Variants in LAMA2 observed in about 807,000 individuals in gnomAD.
The protein encoded by LAMA2 is laminin subunit alpha-2.
LAMA2 carries 269 observed loss-of-function variants against 364.8 expected under a neutral mutation model. The ratio of observed to expected loss-of-function variants is 0.74; its 90% CI spans 0.67 to 0.82. The LOEUF is 0.82. Ranked by LOEUF, LAMA2 falls within the 40% of genes least tolerant of loss-of-function variation. The pLI, the probability that LAMA2 is intolerant of heterozygous loss-of-function variation, is 0.00. For missense variants in LAMA2, 3,807 were observed against 3,873.2 expected, an observed-to-expected ratio of 0.98 and a Z score of 0.45; for synonymous variants, 1,379 against 1,370.6, an observed-to-expected ratio of 1.01 and a Z score of -0.14.
chr6:129,484,222 A>AGTTT (rs1784487974), intron 55 of LAMA2, among the ~76,000 whole-genome samples: 1 of 152,228 alleles, frequency 6.6e-6, no homozygotes, highest in African/African-American at 2.4e-5. Context: ...AGCTCACTGC[A>AGTTT]GTTTATAATG....
At chr6:129,164,784 A>T (rs1244242371) in intron 8 of LAMA2, among the ~76,000 whole-genome samples, 2 of 152,190 alleles carry the variant, frequency 1.3e-5, no homozygotes, top group Non-Finnish European at 2.9e-5. Flanking sequence ...GGGATCAGTT[A>T]AGGCTGGGAA....
Position 129,453,025 on chromosome 6 carries a change from G to A in LAMA2, c.6467G>A (p.Arg2156Gln), listed in dbSNP as rs749496614. ...GTGTCTTCAGGAGGTGACTGCATTC[G>A]AACATACAAACCAGAAATCAAGAAA... is the stretch of plus-strand genomic sequence containing the variant. Reference protein sequence around the residue: ...VSVSSGGDCIRTYKPEIKKGS... With the variant: ...VSVSSGGDCIQTYKPEIKKGS... The change falls in exon 46 of 65, where the codon CGA becomes CAA. Residue 2156 changes from arginine (R) to glutamine (Q), a missense_variant. This residue lies in a region of LAMA2 where 3,333 missense variants were observed against 3,345.7 expected (regional missense o/e 1.00). Coordinates refer to ENST00000421865, the MANE Select transcript of LAMA2 (RefSeq NM_000426.4). 2 of 1,612,470 alleles carry A rather than the reference G, an allele frequency of 1.2e-6. No homozygotes were observed. The highest frequency in any genetic ancestry group is 2.2e-5 in the East Asian group (1 of 44,746).
chr6:129,168,449 A>G (rs1311064687), intron 9 of LAMA2, among the ~76,000 whole-genome samples: 2 of 152,114 alleles, frequency 1.3e-5, no homozygotes, highest in South Asian at 2.1e-4. Flanking sequence ...TGTTTTTCTC[A>G]GGTTTGTCAA....
chr6:129,112,436 C>A (rs1307491960), intron 4 of LAMA2, among the ~76,000 whole-genome samples: 1 of 151,776 alleles, frequency 6.6e-6, no homozygotes, highest in Non-Finnish European at 1.5e-5. Context: ...TAAGCAAATG[C>A]GTTACAAAAA....
rs540078566 is a variant in LAMA2 at position 129,265,583 on chromosome 6, G to A, written c.2209-1523G>A. ...GGCAAAAAATGTAATGGGGAGAAAT[G>A]GGAAGGGATTTAATTGGGAGAAATG... On this transcript the variant is annotated intron_variant, in intron 15 of 64. Coordinates refer to ENST00000421865, the MANE Select transcript of LAMA2 (RefSeq NM_000426.4). Among the ~76,000 whole-genome samples, 383 of 152,096 alleles carry A rather than the reference G, an allele frequency of 2.5e-3. 1 individual carries two copies. Among genetic ancestry groups the A allele is most frequent in the Admixed American group, 3.9e-3 (60 of 15,246 alleles).
At chr6:129,066,044 T>C (rs145929096) in intron 3 of LAMA2, among the ~76,000 whole-genome samples, 369 of 20,632 alleles carry the variant, frequency 0.018, 45 homozygotes, top group East Asian at 0.076. Context: ...TCAGGTTTTT[T>C]TTTTTTTTTT....
chr6:129,455,109 G>A (rs1165177291), intron 47 of LAMA2, among the ~76,000 whole-genome samples: 2 of 152,096 alleles, frequency 1.3e-5, no homozygotes, highest in Non-Finnish European at 2.9e-5. Flanking sequence ...GGCATGTGCT[G>A]TAGTCCCAGC....
chr6:128,972,202 TG>T (rs1782227264), intron 1 of LAMA2, among the ~76,000 whole-genome samples: 1 of 152,232 alleles, frequency 6.6e-6, no homozygotes, highest in South Asian at 2.1e-4. Flanking sequence ...GCAATTACAC[TG>T]TTTGAAAAAC....
At chr6:128,969,336 G>T (rs1782046042) in intron 1 of LAMA2, among the ~76,000 whole-genome samples, 1 of 152,148 alleles carries the variant, frequency 6.6e-6, no homozygotes, top group Admixed American at 6.5e-5. Context: ...CAGTGGACAT[G>T]AATTCCTGCA....
chr6:129,180,270 G>A (rs1018561247), intron 10 of LAMA2, among the ~76,000 whole-genome samples: 5 of 151,932 alleles, frequency 3.3e-5, no homozygotes, highest in Non-Finnish European at 7.4e-5. Context: ...TTAGCAGAAG[G>A]GGAAGAATAT....
chr6:129,051,103 C>T (rs1394423408), intron 2 of LAMA2, among the ~76,000 whole-genome samples: 1 of 151,342 alleles, frequency 6.6e-6, no homozygotes, highest in African/African-American at 2.4e-5. Context: ...GCTAAGAAAT[C>T]TTTATATCTA....
At chr6:129,225,299 G>A (rs1450773778) in intron 12 of LAMA2, among the ~76,000 whole-genome samples, 4 of 152,098 alleles carry the variant, frequency 2.6e-5, no homozygotes, top group African/African-American at 4.8e-5. Context: ...TGGATTCACT[G>A]ATTTGTTGAA....
chr6:128,940,341 C>T (rs1780075539), intron 1 of LAMA2, among the ~76,000 whole-genome samples: 2 of 152,116 alleles, frequency 1.3e-5, no homozygotes, highest in Non-Finnish European at 2.9e-5. Flanking sequence ...AGTATAATTG[C>T]AATTATAATT....
intron 1 of LAMA2, among the ~76,000 whole-genome samples, chr6:128,891,016 G>A (rs999654453): frequency 6.6e-6 from 1 of 152,084 alleles, no homozygotes; most frequent in African/African-American, 2.4e-5. Flanking sequence ...GTGTATTTGT[G>A]TATGTATGTG....
chr6:129,052,879 G>A (rs543018191), intron 2 of LAMA2, among the ~76,000 whole-genome samples: 39 of 152,152 alleles, frequency 2.6e-4, no homozygotes, highest in Middle Eastern at 3.4e-3. Context: ...TTAAAGAGAG[G>A]CATGCATAGT....
chr6:129,122,724 C>T (rs1776869674), intron 4 of LAMA2, among the ~76,000 whole-genome samples: 1 of 152,080 alleles, frequency 6.6e-6, no homozygotes, highest in African/African-American at 2.4e-5. Context: ...CCACATAGCT[C>T]CACCCCGCTA....
intron 1 of LAMA2, among the ~76,000 whole-genome samples, chr6:128,933,325 T>C (rs1420952925): frequency 6.6e-6 from 1 of 152,052 alleles, no homozygotes; most frequent in African/African-American, 2.4e-5. Flanking sequence ...CACTGATGGA[T>C]ACTTAGGCCA....
intron 1 of LAMA2, among the ~76,000 whole-genome samples, chr6:128,964,265 T>G (rs1238921289): frequency 3.9e-5 from 6 of 152,126 alleles, no homozygotes; most frequent in Non-Finnish European, 7.4e-5. Context: ...TAGCCAATGA[T>G]GTTGAACTGG....
intron 40 of LAMA2, among the ~76,000 whole-genome samples, chr6:129,415,095 A>G (rs1254669623): frequency 6.6e-6 from 1 of 152,076 alleles, no homozygotes; most frequent in Non-Finnish European, 1.5e-5. Flanking sequence ...TAGACTCTGC[A>G]CTCTTTAAGA....
Sources: gnomAD v4.1 joint callset for allele counts (sites outside exome capture counted in the v4.1 genomes callset) on GRCh38, gnomAD v4.1.1 for gene constraint, gnomAD v4.1.1 regional missense constraint, MANE v1.5 for transcripts, NCBI Gene and HGNC (gene_info 2026-07-23, HGNC 2026-07-21) for gene names.